MMP26: variants seen among roughly 807,000 people sequenced by gnomAD.
MMP26 encodes matrix metalloproteinase-26.
MMP26 carries 33 observed loss-of-function variants against 31.0 expected under a neutral mutation model. That is an observed-to-expected ratio of 1.06 (90% CI 0.81 to 1.42). MMP26 has a LOEUF of 1.42. Ranked by LOEUF, MMP26 falls within the 40% of genes most tolerant of loss-of-function variation. The probability of loss-of-function intolerance (pLI) is 0.00; values close to 1 mark genes in which losing one functional copy is unlikely to be tolerated. For synonymous variants in MMP26, 122 were observed against 114.9 expected (o/e 1.06, Z -0.40); for missense variants, 347 against 316.1 (o/e 1.10, Z -0.74).
intron 2 of MMP26, among the ~76,000 whole-genome samples, chr11:4,871,226 A>G (rs1199074828): frequency 6.6e-6 from 1 of 152,080 alleles, no homozygotes; most frequent in African/African-American, 2.4e-5. Context: ...GTGGTGTGAA[A>G]AAGAACATTC....
intron 2 of MMP26, among the ~76,000 whole-genome samples, chr11:4,786,173 A>C (rs904184340): frequency 1.3e-5 from 2 of 152,142 alleles, no homozygotes; most frequent in Non-Finnish European, 2.9e-5. Flanking sequence ...GAGCTGCTGC[A>C]GATCCAGACT....
In MMP26 at chr11:4,810,235, ATT is replaced by A. The variant is rs57113568; in HGVS notation, c.-145+42904_-145+42905del. ...AATGTGATTTTATCTGTATGCATGT[ATT>A]TTTTTTTTTAGTCGGAGTACATATA... On this transcript the variant is annotated intron_variant, in intron 2 of 7. Coordinates refer to ENST00000380390, the MANE Select transcript of MMP26 (RefSeq NM_021801.5). 2.4e-3 allele frequency among the ~76,000 whole-genome samples: 353 copies of A among 149,616 alleles called. 3 individuals are homozygous for A. Among genetic ancestry groups the A allele is most frequent in the Non-Finnish European group, 2.2e-3 (150 of 67,420 alleles).
chr11:4,889,228 A>C (rs1850583702), intron 2 of MMP26, among the ~76,000 whole-genome samples: 1 of 152,090 alleles, frequency 6.6e-6, no homozygotes, highest in African/African-American at 2.4e-5. Context: ...AAATCTGAGG[A>C]CCTTCAATCT....
chr11:4,812,862 G>A lies in MMP26; in HGVS notation c.-145+45521G>A, dbSNP rs73403044. On this transcript the variant is annotated intron_variant, in intron 2 of 7. Coordinates refer to ENST00000380390, the MANE Select transcript of MMP26 (RefSeq NM_021801.5). ...AACTATGTTTAGAAACAAAAGGAAA[G>A]GCAGATGTGTGTGTGTGTAATTTAG... Among the ~76,000 whole-genome samples the A allele has an allele frequency of 4.3e-3, 652 of 152,202 alleles. 8 individuals carry two copies. Among genetic ancestry groups the A allele is most frequent in the African/African-American group, 0.015 (610 of 41,520 alleles).
At chr11:4,891,874 G>T (rs1212354890) in intron 2 of MMP26, among the ~76,000 whole-genome samples, 1 of 152,100 alleles carries the variant, frequency 6.6e-6, no homozygotes, top group Non-Finnish European at 1.5e-5. Context: ...GGTTGGTACT[G>T]CCTGGGACCA....
chr11:4,894,642 A>G (rs1850675109), intron 2 of MMP26, among the ~76,000 whole-genome samples: 1 of 152,174 alleles, frequency 6.6e-6, no homozygotes, highest in Non-Finnish European at 1.5e-5. Flanking sequence ...TGATTGTAGT[A>G]GCAAAACTCA....
chr11:4,768,016 C>T (rs934875192), intron 2 of MMP26, among the ~76,000 whole-genome samples: 4 of 152,152 alleles, frequency 2.6e-5, no homozygotes, highest in African/African-American at 7.2e-5. Flanking sequence ...ACTATGAATT[C>T]TTTACCTTGG....
Position 4,732,541 on chromosome 11 carries a change from CAAAAAAAA to C in MMP26, c.-217+27509_-217+27516del, listed in dbSNP as rs56079183. Among the ~76,000 whole-genome samples, 540 of 94,678 alleles carry C rather than the reference CAAAAAAAA, an allele frequency of 5.7e-3. 2 individuals carry two copies. The highest frequency in any genetic ancestry group is 9.5e-3 in the Non-Finnish European group (414 of 43,468). 62.1% of individuals were successfully genotyped at this position (94,678 alleles called of 152,430 possible). A position where few individuals can be genotyped will look rare whatever the true frequency, so the allele number is the denominator to read the frequency against. Reference sequence around the variant, plus strand: ...CTGGGCAAAAGAGCGAGACTCGTCTCAAAAAAAAAAAAAAAAAAAAGAAAATTTTCATG... The same window carrying C: ...CTGGGCAAAAGAGCGAGACTCGTCTCAAAAAAAAAAAAGAAAATTTTCATG... On this transcript the variant is annotated intron_variant, in intron 1 of 7. Coordinates refer to ENST00000380390, the MANE Select transcript of MMP26 (RefSeq NM_021801.5).
chr11:4,786,493 CTTTTTTTTTTT>C lies in MMP26; in HGVS notation c.-145+19172_-145+19182del, dbSNP rs66987352. Among the ~76,000 whole-genome samples, 399 of 60,366 alleles carry C rather than the reference CTTTTTTTTTTT, an allele frequency of 6.6e-3. 3 individuals carry two copies. Among genetic ancestry groups the C allele is most frequent in the African/African-American group, 0.019 (276 of 14,710 alleles). 39.6% of individuals were successfully genotyped at this position (60,366 alleles called of 152,430 possible). ...TGCAAGGTAGTAAGATCTGCTGATC[CTTTTTTTTTTT>C]TTTTTTTTTTTTTTTTTTTACCAAA... is the stretch of plus-strand genomic sequence containing the variant. On this transcript the variant is annotated intron_variant, in intron 2 of 7. Transcript: ENST00000380390.
At chr11:4,711,359 G>A (rs1589880785) in intron 1 of MMP26, 2 of 152,120 alleles carry the variant, frequency 1.3e-5, no homozygotes, top group South Asian at 4.1e-4. Context: ...AGTATAAATA[G>A]ACATATCCCA....
chr11:4,937,599 G>T (rs1012497636), intron 2 of MMP26: 1 of 114,960 alleles, frequency 8.7e-6, no homozygotes, highest in Non-Finnish European at 2.1e-5. Flanking sequence ...ACTGCTGTCT[G>T]GGGGTAGCAA....
chr11:4,981,221 C>A (rs1338753354), intron 2 of MMP26, among the ~76,000 whole-genome samples: 1 of 151,888 alleles, frequency 6.6e-6, no homozygotes, highest in Non-Finnish European at 1.5e-5. Flanking sequence ...TTTTATAAAA[C>A]ATATAGGTGT....
At chr11:4,956,693 C>G (rs1196160982) in intron 2 of MMP26, among the ~76,000 whole-genome samples, 2 of 152,144 alleles carry the variant, frequency 1.3e-5, no homozygotes, top group South Asian at 2.1e-4. Context: ...ATCCATCTCC[C>G]CGGACCCATT....
intron 2 of MMP26, chr11:4,908,422 C>A: frequency 1.2e-6 from 1 of 854,398 alleles, no homozygotes; most frequent in African/African-American, 1.7e-5. Context: ...AAGTGAAAAG[C>A]TATGTAGTGC....
intron 2 of MMP26, among the ~76,000 whole-genome samples, chr11:4,884,364 C>T (rs1449023987): frequency 6.6e-6 from 1 of 152,122 alleles, no homozygotes; most frequent in East Asian, 1.9e-4. Context: ...TTCTATTATA[C>T]CACAGTTCAG....
chr11:4,769,816 A>G lies in MMP26; in HGVS notation c.-145+2475A>G, dbSNP rs16938394. On this transcript the variant is annotated intron_variant, in intron 2 of 7. Coordinates refer to ENST00000380390, the MANE Select transcript of MMP26 (RefSeq NM_021801.5). ...CAGAGAGGGCAATGGCATAAAAACA[A>G]CAGAAAGGAATGGAGATCCAGACAT... is the stretch of plus-strand genomic sequence containing the variant. 7.8e-3 allele frequency: 12,544 copies of G among 1,612,980 alleles called. 858 individuals are homozygous for G. In the African/African-American group the frequency reaches 0.15, roughly 19 times the overall value.
At chr11:4,896,612 T>G (rs34006447) in intron 2 of MMP26, among the ~76,000 whole-genome samples, 17,907 of 152,256 alleles carry the variant, frequency 0.12, 1,193 homozygotes, top group African/African-American at 0.16. Context: ...AACCCTAGAT[T>G]AATCGATATA....
At chr11:4,727,462 TC>T (rs2133280823) in intron 1 of MMP26, among the ~76,000 whole-genome samples, 1 of 152,258 alleles carries the variant, frequency 6.6e-6, no homozygotes, top group Admixed American at 6.5e-5. Flanking sequence ...TTGAAAAAAA[TC>T]TGTATTTTTT....
rs1276986174 is a variant in MMP26 at position 4,857,452 on chromosome 11, T to C, written c.-145+90111T>C. Among the ~76,000 whole-genome samples the C allele has an allele frequency of 4.3e-3, 645 of 150,136 alleles. 3 individuals are homozygous for C. The highest frequency in any genetic ancestry group is 0.017 in the Middle Eastern group (5 of 288). On this transcript the variant is annotated intron_variant, in intron 2 of 7. Transcript: ENST00000380390. ...TCAGAGAATACTATAAACACCTCTGTGCAAATAAACTAGAAAATCTAGAAG... is the reference window on the plus strand; with the variant it reads ...TCAGAGAATACTATAAACACCTCTGCGCAAATAAACTAGAAAATCTAGAAG...
Sources: gnomAD v4.1 joint callset for allele counts (sites outside exome capture counted in the v4.1 genomes callset) on GRCh38, gnomAD v4.1.1 for gene constraint, MANE v1.5 for transcripts, NCBI Gene and HGNC (gene_info 2026-07-23, HGNC 2026-07-21) for gene names.